Variants in UNC13B observed in about 807,000 individuals in gnomAD.
UNC13B encodes unc-13 homolog B, also known as protein unc-13 homolog B.
In UNC13B, 144 loss-of-function variants were observed where a neutral mutation model predicts 211.0. The observed-to-expected ratio is 0.68, with a 90% confidence interval of 0.60 to 0.78. The LOEUF (loss-of-function observed/expected upper bound fraction) is 0.78, where lower values mean the gene tolerates loss of function less well. Ranked by LOEUF, UNC13B falls within the 30% of genes least tolerant of loss-of-function variation. UNC13B has a pLI of 0.00. For missense variants in UNC13B, 1,777 were observed against 2,002.0 expected (o/e 0.89, Z 2.14); for synonymous variants, 709 against 725.8 (o/e 0.98, Z 0.37).
chr9:35,383,260 T>C (rs1341710938), intron 21 of UNC13B, among the ~76,000 whole-genome samples: 1 of 152,222 alleles, frequency 6.6e-6, no homozygotes, highest in Admixed American at 6.5e-5. Context: ...CTGTTTTCCC[T>C]ATCCAGGGTG....
intron 11 of UNC13B, among the ~76,000 whole-genome samples, chr9:35,320,190 C>T (rs984988049): frequency 1.3e-5 from 2 of 152,062 alleles, no homozygotes; most frequent in African/African-American, 4.8e-5. Flanking sequence ...AATAATGCTG[C>T]GATGAATATA....
At chr9:35,267,079 A>G (rs1361423687) in intron 7 of UNC13B, among the ~76,000 whole-genome samples, 1 of 152,222 alleles carries the variant, frequency 6.6e-6, no homozygotes, top group African/African-American at 2.4e-5. Flanking sequence ...GAGAGAAAGA[A>G]AGAAAGTGAC....
chr9:35,181,108 CA>C (rs201965842), intron 1 of UNC13B, among the ~76,000 whole-genome samples: 1 of 151,854 alleles, frequency 6.6e-6, no homozygotes, highest in African/African-American at 2.4e-5. Context: ...AAAAAACAAA[CA>C]AAAAAACAAA....
chr9:35,401,345 T>C lies in UNC13B; in HGVS notation c.12484+902T>C, dbSNP rs1836287348. 2.6e-5 allele frequency among the ~76,000 whole-genome samples: 4 copies of C among 152,290 alleles called. No homozygotes were observed. In the South Asian group the frequency reaches 8.3e-4, roughly 32 times the overall value. On this transcript the variant is annotated intron_variant, in intron 37 of 39. Coordinates refer to ENST00000635942, the MANE Select transcript of UNC13B (RefSeq NM_001371189.2). ...GGAAGGGACCGAAAGTACTGCTCTA[T>C]TCCCCATCTGTTCTCATTTCCAATC...
chr9:35,251,300 A>G (rs1393961551), intron 6 of UNC13B, among the ~76,000 whole-genome samples: 1 of 151,462 alleles, frequency 6.6e-6, no homozygotes, highest in Non-Finnish European at 1.5e-5. Context: ...TTTAAAACCA[A>G]TCCAGCCGGG....
chr9:35,296,788 TTG>T (rs1248942831), intron 8 of UNC13B, among the ~76,000 whole-genome samples: 21 of 152,238 alleles, frequency 1.4e-4, no homozygotes, highest in Non-Finnish European at 4.4e-5. Context: ...GTTGCAGATA[TTG>T]TGTTACTTCA....
At chr9:35,397,080 T>A (rs1835932707) in intron 28 of UNC13B, 87 bp from the exon 29 acceptor site, 1 of 1,603,052 alleles carries the variant, frequency 6.2e-7, no homozygotes, top group Non-Finnish European at 8.5e-7. Context: ...CATTAGCCAC[T>A]CTTGCTGGTC....
At chr9:35,269,471 G>A (rs557476987) in intron 7 of UNC13B, among the ~76,000 whole-genome samples, 7 of 152,182 alleles carry the variant, frequency 4.6e-5, no homozygotes, top group African/African-American at 7.2e-5. Context: ...GGGTTTTCAC[G>A]GACACATCAT....
At chr9:35,173,687 G>A (rs1821455825) in intron 1 of UNC13B, among the ~76,000 whole-genome samples, 1 of 152,126 alleles carries the variant, frequency 6.6e-6, no homozygotes, top group African/African-American at 2.4e-5. Flanking sequence ...GCCTCCCAAA[G>A]TGTTAGGATT....
At chr9:35,165,846 T>G (rs1821008819) in intron 1 of UNC13B, among the ~76,000 whole-genome samples, 1 of 152,174 alleles carries the variant, frequency 6.6e-6, no homozygotes, top group Admixed American at 6.5e-5. Flanking sequence ...ATACGGATAC[T>G]TTTTTTGGGC....
At chr9:35,194,169 C>T (rs189075249) in intron 1 of UNC13B, among the ~76,000 whole-genome samples, 10 of 152,204 alleles carry the variant, frequency 6.6e-5, no homozygotes, top group Non-Finnish European at 1.5e-4. Context: ...CCTTCTGTTT[C>T]TAGAAAATCT....
intron 16 of UNC13B, 66 bp from the exon 17 acceptor site, chr9:35,378,229 A>G (rs1457432150): frequency 1.9e-6 from 3 of 1,600,930 alleles, no homozygotes; most frequent in Middle Eastern, 1.7e-4. Flanking sequence ...GATGGAAAGC[A>G]TATGAGTAGT....
At chr9:35,189,962 T>C (rs1276316171) in intron 1 of UNC13B, among the ~76,000 whole-genome samples, 1 of 152,184 alleles carries the variant, frequency 6.6e-6, no homozygotes, top group Non-Finnish European at 1.5e-5. Flanking sequence ...TGAGCCACCA[T>C]GCCCGACCTG....
intron 11 of UNC13B, among the ~76,000 whole-genome samples, chr9:35,339,280 A>G (rs912575439): frequency 6.6e-6 from 1 of 152,100 alleles, no homozygotes; most frequent in African/African-American, 2.4e-5. Context: ...AAGCTTCCCA[A>G]CTGAGGTGGG....
At chr9:35,181,940 G>A (rs995629855) in intron 1 of UNC13B, among the ~76,000 whole-genome samples, 2 of 152,186 alleles carry the variant, frequency 1.3e-5, no homozygotes, top group African/African-American at 2.4e-5. Context: ...ATTGATTTGA[G>A]TAATAACTCC....
chr9:35,206,576 A>G (rs1207200010), intron 1 of UNC13B, among the ~76,000 whole-genome samples: 1 of 152,108 alleles, frequency 6.6e-6, no homozygotes, highest in Non-Finnish European at 1.5e-5. Flanking sequence ...TGATTGAATA[A>G]TACCATAGTG....
intron 8 of UNC13B, among the ~76,000 whole-genome samples, chr9:35,299,752 C>G (rs1225093912): frequency 6.6e-6 from 1 of 151,884 alleles, no homozygotes; most frequent in Non-Finnish European, 1.5e-5. Flanking sequence ...TTTTATTGTT[C>G]TAGTCTTCTC....
intron 21 of UNC13B, among the ~76,000 whole-genome samples, chr9:35,382,963 A>G (rs968204669): frequency 1.3e-5 from 2 of 152,164 alleles, no homozygotes; most frequent in African/African-American, 2.4e-5. Flanking sequence ...CTGTTTCCTT[A>G]TGGGTATGCG....
At chr9:35,189,007 T>C (rs1822509120) in intron 1 of UNC13B, among the ~76,000 whole-genome samples, 1 of 152,256 alleles carries the variant, frequency 6.6e-6, no homozygotes, top group Admixed American at 6.5e-5. Flanking sequence ...GAAGACCGTA[T>C]AATGCCCTTT....
Sources: allele counts gnomAD v4.1 joint callset (sites outside exome capture counted in the v4.1 genomes callset), GRCh38; gene constraint gnomAD v4.1.1; transcripts MANE v1.5; gene names NCBI Gene and HGNC (gene_info 2026-07-23, HGNC 2026-07-21).